Variants in INPP5F observed in about 807,000 individuals in gnomAD.
INPP5F encodes inositol polyphosphate-5-phosphatase F.
INPP5F carries 97 observed loss-of-function variants against 137.2 expected under a neutral mutation model. That is an observed-to-expected ratio of 0.71 (90% CI 0.60 to 0.84). The LOEUF is 0.84. INPP5F is among the 40% of genes least tolerant of loss of function. The pLI is 0.00. For synonymous variants in INPP5F, 504 were observed against 476.9 expected (o/e 1.06, Z -0.74); for missense variants, 1,271 against 1,371.9 (o/e 0.93, Z 1.16).
chr10:119,791,461 G>T, intron 3 of INPP5F, 56 bp from the exon 4 acceptor site: 2 of 1,416,872 alleles, frequency 1.4e-6, no homozygotes, highest in South Asian at 2.4e-5. Flanking sequence ...TTTTGCACTC[G>T]AACATTTAAC....
Position 119,797,472 on chromosome 10 carries a change from A to G in INPP5F, c.880A>G (p.Lys294Glu). Reference protein sequence around the residue: ...RSRHRAGMRYKRRGVDKNGNV... With the variant: ...RSRHRAGMRYERRGVDKNGNV... ...TAATTTTCTTTCAGGAATGCGCTAT[A>G]AACGAAGAGGAGTGGATAAAAATGG... The change falls in exon 8 of 20, where the codon AAA (lysine) becomes GAA (glutamate). Residue 294 changes from lysine (K) to glutamate (E), a missense_variant. Transcript: ENST00000650623. 6.2e-7 allele frequency: 1 copy of G among 1,607,828 alleles called. No individual in the cohort carries two copies. The highest frequency in any genetic ancestry group is 8.5e-7 in the Non-Finnish European group (1 of 1,176,816).
chr10:119,731,539 C>T (rs1035660198), intron 1 of INPP5F, among the ~76,000 whole-genome samples: 1 of 152,040 alleles, frequency 6.6e-6, no homozygotes, highest in Non-Finnish European at 1.5e-5. Flanking sequence ...TGGCGGGTGC[C>T]TATAATCCCA....
At chr10:119,781,483 C>A in intron 2 of INPP5F, 152 bp from the exon 3 acceptor site, 1 of 537,982 alleles carries the variant, frequency 1.9e-6, no homozygotes, top group Non-Finnish European at 3.0e-6. Context: ...GTTTAAGGGT[C>A]ATTTTATGTC....
At chr10:119,807,903 C>T (rs748839591) in intron 12 of INPP5F, 29 bp from the exon 13 acceptor site, 2 of 1,588,278 alleles carry the variant, frequency 1.3e-6, no homozygotes, top group East Asian at 2.2e-5. Context: ...GGCCCATATA[C>T]AGTTAATCCA....
intron 1 of INPP5F, among the ~76,000 whole-genome samples, chr10:119,732,382 G>T (rs535671720): frequency 1.4e-4 from 21 of 151,928 alleles, no homozygotes; most frequent in African/African-American, 4.6e-4. Context: ...TTGGAATCAG[G>T]TTTTACAGAT....
chr10:119,742,271 T>C (rs929686366), intron 1 of INPP5F, among the ~76,000 whole-genome samples: 5 of 151,908 alleles, frequency 3.3e-5, no homozygotes, highest in Non-Finnish European at 7.4e-5. Flanking sequence ...TTCTCTACTT[T>C]AGTTTCCCGA....
At chr10:119,802,122 G>C (rs190545414) in intron 9 of INPP5F, among the ~76,000 whole-genome samples, 185 of 152,254 alleles carry the variant, frequency 1.2e-3, no homozygotes, top group African/African-American at 4.1e-3. Context: ...TAGGTGATGT[G>C]GGGGAAGTCT....
intron 11 of INPP5F, 67 bp downstream of exon 11, chr10:119,805,528 A>C (rs1850744439): frequency 1.9e-6 from 2 of 1,064,362 alleles, no homozygotes; most frequent in Admixed American, 3.6e-5. Flanking sequence ...ACTGAGCATT[A>C]AACTGATAGC....
At chr10:119,800,090 T>C (rs1380325581) in intron 9 of INPP5F, among the ~76,000 whole-genome samples, 3 of 151,506 alleles carry the variant, frequency 2.0e-5, no homozygotes, top group Non-Finnish European at 4.4e-5. Context: ...TAAAATTATA[T>C]AGGACTTTAG....
chr10:119,826,559 C>G (rs1291510229), intron 19 of INPP5F, 72 bp from the exon 20 acceptor site: 2 of 1,218,784 alleles, frequency 1.6e-6, no homozygotes, highest in East Asian at 4.7e-5. Context: ...ACTGTTTTCA[C>G]TTATGTTAAT....
At chr10:119,771,883 T>TATATACATA (rs1491430102) in intron 2 of INPP5F, among the ~76,000 whole-genome samples, 20 of 20,058 alleles carry the variant, frequency 1.0e-3, no homozygotes, top group Non-Finnish European at 1.3e-3. Context: ...TATATATATA[T>TATATACATA]TTTTTTTTTT....
intron 9 of INPP5F, among the ~76,000 whole-genome samples, chr10:119,802,140 G>C (rs1850616397): frequency 6.6e-6 from 1 of 152,124 alleles, no homozygotes; most frequent in Non-Finnish European, 1.5e-5. Flanking sequence ...TCTCCTGGGA[G>C]GCTTCTGGGA....
At chr10:119,729,655 T>C (rs1369010274) in intron 1 of INPP5F, among the ~76,000 whole-genome samples, 3 of 151,414 alleles carry the variant, frequency 2.0e-5, no homozygotes, top group Non-Finnish European at 4.4e-5. Flanking sequence ...TGGCTTGCTG[T>C]AGCCCCTACC....
Position 119,748,454 on chromosome 10 carries a change from G to C in INPP5F, c.98-2622G>C, listed in dbSNP as rs1228415829. Among the ~76,000 whole-genome samples, 1 of 152,172 alleles carries C rather than the reference G, an allele frequency of 6.6e-6. No homozygotes were observed. Among genetic ancestry groups the C allele is most frequent in the Admixed American group, 6.5e-5 (1 of 15,278 alleles). ...TCCTGTTTGTGTTACAGCTTTTTCA[G>C]TCCCACCATTCAGGGGTCCCGTGTC... On this transcript the variant is annotated intron_variant, in intron 1 of 19. Transcript: ENST00000650623. The surrounding 1 kb of genome is among the most constrained non-coding windows in gnomAD (Gnocchi z 4.7).
intron 1 of INPP5F, among the ~76,000 whole-genome samples, chr10:119,747,458 A>G (rs1474655700): frequency 6.6e-6 from 1 of 152,102 alleles, no homozygotes; most frequent in Non-Finnish European, 1.5e-5. Flanking sequence ...GCCTCAAGCA[A>G]TCCACCCAGC....
chr10:119,793,433 A>C (rs893005155), intron 6 of INPP5F, among the ~76,000 whole-genome samples: 5 of 151,550 alleles, frequency 3.3e-5, no homozygotes, highest in African/African-American at 1.2e-4. Flanking sequence ...ACAAAACAAA[A>C]CAAAACTGAG....
intron 6 of INPP5F, 101 bp from the exon 7 acceptor site, chr10:119,796,614 C>T: frequency 1.1e-6 from 1 of 936,296 alleles, no homozygotes. Context: ...AAGGTTTCTG[C>T]TTCTAATAAA....
In INPP5F at chr10:119,810,201, T is replaced by C. The variant is rs368048952; in HGVS notation, c.1671T>C (p.Tyr557=). ...RYYLNRFKDA[Y]RQAVIDLMQG... ...ACCTCAACCGATTTAAGGATGCTTA[T>C]AGGCAAGCTGTTATAGGTAAGAAGC... The change falls in exon 14 of 20, where the codon TAT becomes TAC. Residue 557 remains tyrosine (Y), a synonymous_variant. Transcript: ENST00000650623. 6.3e-7 allele frequency: 1 copy of C among 1,599,104 alleles called. No homozygotes were observed. Among genetic ancestry groups the C allele is most frequent in the Admixed American group, 1.7e-5 (1 of 59,946 alleles).
chr10:119,735,202 A>G (rs868501507), intron 1 of INPP5F, among the ~76,000 whole-genome samples: 8 of 152,342 alleles, frequency 5.3e-5, no homozygotes, highest in Middle Eastern at 6.8e-3. Flanking sequence ...TAGCATCCAC[A>G]CATTCTTTCT....
Sources: allele counts gnomAD v4.1 joint callset (sites outside exome capture counted in the v4.1 genomes callset), GRCh38; gene constraint gnomAD v4.1.1; non-coding constraint Gnocchi (gnomAD v3.1); transcripts MANE v1.5; gene names NCBI Gene and HGNC (gene_info 2026-07-23, HGNC 2026-07-21).